TRIM16: variants seen among roughly 807,000 people sequenced by gnomAD.
TRIM16 encodes the protein tripartite motif-containing protein 16.
Under a neutral mutation model 50.4 loss-of-function variants are expected in TRIM16, and 33 were observed. That is an observed-to-expected ratio of 0.65 (90% CI 0.50 to 0.88). The LOEUF (loss-of-function observed/expected upper bound fraction) is 0.88, where lower values mean the gene tolerates loss of function less well. TRIM16 is among the 40% of genes least tolerant of loss of function. The probability of loss-of-function intolerance (pLI) is 0.00; values close to 1 mark genes in which losing one functional copy is unlikely to be tolerated. For synonymous variants in TRIM16, 229 were observed against 270.7 expected (o/e 0.85, Z 1.51); for missense variants, 581 against 686.8 (o/e 0.85, Z 1.72).
intron 8 of TRIM16, among the ~76,000 whole-genome samples, chr17:15,639,104 T>C (rs1403895093): frequency 1.6e-5 from 2 of 125,584 alleles, no homozygotes; most frequent in South Asian, 2.6e-4. Flanking sequence ...CAGGTTGGAG[T>C]GGCACAGTCT....
intron 6 of TRIM16, among the ~76,000 whole-genome samples, chr17:15,665,476 T>C (rs923161420): frequency 2.6e-5 from 4 of 151,954 alleles, no homozygotes; most frequent in Admixed American, 6.6e-5. Flanking sequence ...GCCACTGCAC[T>C]CCAGCCTAGG....
chr17:15,652,307 C>T (rs1987755199), intron 6 of TRIM16, among the ~76,000 whole-genome samples: 1 of 133,912 alleles, frequency 7.5e-6, no homozygotes. Context: ...GCCACCGTGC[C>T]CGGCTAATTT....
chr17:15,664,974 G>T (rs145275842), intron 6 of TRIM16, among the ~76,000 whole-genome samples: 4,764 of 147,232 alleles, frequency 0.032, 138 homozygotes, highest in South Asian at 0.12. Context: ...GGAGGTTGCA[G>T]TGAGCAGAGA....
At chr17:15,658,727 C>T (rs749235902) in intron 6 of TRIM16, 4 of 880,170 alleles carry the variant, frequency 4.5e-6, no homozygotes, top group Non-Finnish European at 4.1e-6. Context: ...CTCGTAAAAT[C>T]TCAAAGTCTG....
At position 15,651,756 on chromosome 17, in the gene TRIM16, A is replaced by C; in HGVS notation, c.-147T>G. The stretch of plus-strand genomic sequence containing the variant: ...CCTCCCTCCCAGAGGAAGCTCGGCC[A>C]CTCATTACTGTGTGCTGGCGCTGGA... On this transcript the variant is annotated 5_prime_UTR_variant, in exon 7 of 12. Transcript: ENST00000649191. 6.6e-7 allele frequency: 1 copy of C among 1,507,308 alleles called. No homozygotes were observed. The highest frequency in any genetic ancestry group is 1.3e-5 in the South Asian group (1 of 77,720). The allele number at this position is 1,507,308 out of a possible 1,614,324, so 93.4% of individuals were successfully genotyped here. A position where few individuals can be genotyped will look rare whatever the true frequency, so the allele number is the denominator to read the frequency against.
chr17:15,684,281 CG>C lies in TRIM16; in HGVS notation c.-985del. ...AGGGAGGACACAGACTCGCCACGCGCGGAGATCCTCCAGAGAAAGGGGCCGG... is the reference window on the plus strand; with the variant it reads ...AGGGAGGACACAGACTCGCCACGCGCGAGATCCTCCAGAGAAAGGGGCCGG... On this transcript the variant is annotated 5_prime_UTR_variant, in exon 1 of 12. Coordinates refer to ENST00000649191, the MANE Select transcript of TRIM16 (RefSeq NM_001348119.1). 6.6e-6 allele frequency: 1 copy of C among 152,296 alleles called. No individual in the cohort carries two copies. Among genetic ancestry groups the C allele is most frequent in the Middle Eastern group, 3.4e-3 (1 of 294 alleles). The allele number at this position is 152,296 out of a possible 1,614,324, so 9.4% of individuals were successfully genotyped here.
chr17:15,661,641 A>T (rs184378449), intron 6 of TRIM16, among the ~76,000 whole-genome samples: 1 of 152,036 alleles, frequency 6.6e-6, no homozygotes, highest in Non-Finnish European at 1.5e-5. Context: ...AGTATAATAT[A>T]TTGTTTGTTA....
intron 11 of TRIM16, among the ~76,000 whole-genome samples, chr17:15,630,607 G>A (rs1457558982): frequency 6.6e-6 from 1 of 152,162 alleles, no homozygotes; most frequent in Non-Finnish European, 1.5e-5. Context: ...CCAATAGTTT[G>A]AGACCAGCCT....
chr17:15,631,304 T>C (rs7217989), intron 11 of TRIM16, among the ~76,000 whole-genome samples: 8,091 of 152,298 alleles, frequency 0.053, 744 homozygotes, highest in African/African-American at 0.18. Flanking sequence ...GATTAGTTGA[T>C]AGCATTGTAG....
intron 6 of TRIM16, among the ~76,000 whole-genome samples, chr17:15,670,623 A>AAG (rs1988686074): frequency 6.6e-6 from 1 of 152,150 alleles, no homozygotes; most frequent in Admixed American, 6.6e-5. Flanking sequence ...TATATATTCA[A>AAG]AGTTCCCTTT....
Position 15,629,194 on chromosome 17 carries a change from C to T in TRIM16, c.1116G>A (p.Ala372=), listed in dbSNP as rs1293306011. 3.1e-6 allele frequency: 5 copies of T among 1,606,600 alleles called. No individual in the cohort carries two copies. The highest frequency in any genetic ancestry group is 2.2e-5 in the East Asian group (1 of 44,774). ...TGTCCGGGTCAAACGTGATGTCATA[C>T]GCATCTGAGGAGACACAGAAGGCAG... ...PSTREQFLQY[A]YDITFDPDTA... is the part of the protein sequence containing the mutation. The change falls in exon 12 of 12, where the codon GCG becomes GCA. Residue 372 remains alanine, a synonymous_variant. Transcript: ENST00000649191.
intron 6 of TRIM16, among the ~76,000 whole-genome samples, chr17:15,668,608 C>G (rs569230940): frequency 6.6e-6 from 1 of 152,252 alleles, no homozygotes; most frequent in Admixed American, 6.5e-5. Flanking sequence ...AGTCCCTTGC[C>G]GTTTTCTCCT....
intron 6 of TRIM16, among the ~76,000 whole-genome samples, chr17:15,673,473 C>A (rs1988800333): frequency 6.6e-6 from 1 of 152,156 alleles, no homozygotes; most frequent in African/African-American, 2.4e-5. Flanking sequence ...CAGAATAGCC[C>A]TTTTAGTGAG....
intron 6 of TRIM16, among the ~76,000 whole-genome samples, chr17:15,653,246 G>T (rs574061189): frequency 6.6e-6 from 1 of 152,174 alleles, no homozygotes; most frequent in Non-Finnish European, 1.5e-5. Context: ...GGATGGAAGC[G>T]GCCTGAGGCC....
Position 15,641,127 on chromosome 17 carries a change from AC to A in TRIM16, c.615+1593del, listed in dbSNP as rs1339567302. ...AGATGATATTGGTGGATTGAGGTTGACTTCTGCTGTGGCCTGGCCCTCATTC... is the reference window on the plus strand; with the variant it reads ...AGATGATATTGGTGGATTGAGGTTGATTCTGCTGTGGCCTGGCCCTCATTC... On this transcript the variant is annotated intron_variant, in intron 8 of 11. Transcript: ENST00000649191. Among the ~76,000 whole-genome samples the A allele has an allele frequency of 2.0e-5, 3 of 148,138 alleles. 1 individual carries two copies. The highest frequency in any genetic ancestry group is 4.5e-5 in the Non-Finnish European group (3 of 66,980).
Position 15,651,481 on chromosome 17 carries a change from C to A in TRIM16, c.129G>T (p.Glu43Asp). ...DSGSASPVEE[E>D]DVGSSEKLGR... ...CAAGCTTCTCCGAGGAGCCCACGTCCTCTTCTTCCACTGGGCTGGCTGACC... is the reference window on the plus strand; with the variant it reads ...CAAGCTTCTCCGAGGAGCCCACGTCATCTTCTTCCACTGGGCTGGCTGACC... Residue 43 changes from glutamate (E) to aspartate (D), a missense_variant, in exon 7 of 12, where the codon GAG (glutamate) becomes GAT (aspartate). Physicochemically the swap from Glu to Asp is conservative, Grantham distance 45. Coordinates refer to ENST00000649191, the MANE Select transcript of TRIM16 (RefSeq NM_001348119.1). The A allele has an allele frequency of 6.2e-7, 1 of 1,611,864 alleles. No homozygotes were observed. Among genetic ancestry groups the A allele is most frequent in the Non-Finnish European group, 8.5e-7 (1 of 1,178,528 alleles).
intron 6 of TRIM16, among the ~76,000 whole-genome samples, chr17:15,656,904 T>A (rs749051969): frequency 6.6e-6 from 1 of 151,962 alleles, no homozygotes; most frequent in Non-Finnish European, 1.5e-5. Context: ...GGACTACAAG[T>A]GCTCCACCAC....
intron 4 of TRIM16, among the ~76,000 whole-genome samples, chr17:15,679,502 T>A (rs1436605768): frequency 6.6e-6 from 1 of 152,198 alleles, no homozygotes; most frequent in Non-Finnish European, 1.5e-5. Context: ...TTACACCTGT[T>A]AACTAAACAA....
At chr17:15,679,032 C>T (rs561543166) in intron 4 of TRIM16, among the ~76,000 whole-genome samples, 16 of 152,212 alleles carry the variant, frequency 1.1e-4, no homozygotes, top group South Asian at 4.2e-4. Context: ...TGAGCCACCA[C>T]GCCCAGCTAC....
Sources: allele counts gnomAD v4.1 joint callset (sites outside exome capture counted in the v4.1 genomes callset), GRCh38; gene constraint gnomAD v4.1.1; transcripts MANE v1.5; gene names NCBI Gene and HGNC (gene_info 2026-07-23, HGNC 2026-07-21).